Variants in ZNF841 observed in about 807,000 individuals in gnomAD.
ZNF841 encodes the protein TCONS_00006091.
A neutral mutation model predicts 13.0 loss-of-function variants in ZNF841; 11 were observed. The observed-to-expected ratio is 0.85, with a 90% CI of 0.53 to 1.40. ZNF841 has a LOEUF of 1.40. ZNF841 is among the 40% of genes most tolerant of loss of function. ZNF841 has a pLI of 0.00. For missense variants in ZNF841, 1,068 were observed against 1,139.5 expected, an observed-to-expected ratio of 0.94 and a Z score of 0.90; for synonymous variants, 369 against 381.6, an observed-to-expected ratio of 0.97 and a Z score of 0.38.
At chr19:52,084,679 C>G in intron 4 of ZNF841, 108 bp downstream of exon 4, 1 of 1,270,082 alleles carries the variant, frequency 7.9e-7, no homozygotes, top group Middle Eastern at 1.9e-4. Flanking sequence ...TGAGTGCGAG[C>G]AAATGTGTCA....
At chr19:52,072,544 G>A (rs891882394) in intron 6 of ZNF841, among the ~76,000 whole-genome samples, 4 of 152,120 alleles carry the variant, frequency 2.6e-5, no homozygotes, top group Admixed American at 2.6e-4. Context: ...CAAATATGTG[G>A]AAACAACATA....
Position 52,066,050 on chromosome 19 carries a change from T to C in ZNF841, c.1832A>G (p.Asn611Ser). Residue 611 changes from asparagine to serine, a missense_variant, in exon 7 of 7, where the codon AAC becomes AGC. Asn to Ser is a conservative substitution (Grantham distance 46, BLOSUM62 1). Coordinates refer to ENST00000594440, the MANE Select transcript of ZNF841 (RefSeq NM_001136499.2). ...ATGACTTCGCCTATGAATTGAAAGG[T>C]TTCCACTGTCAATGAAGACCTTGCC... is the stretch of plus-strand genomic sequence containing the variant. Reference protein sequence around the residue: ...VCGKVFIDSGNLSIHRRSHTG... With the variant: ...VCGKVFIDSGSLSIHRRSHTG... 1 of 1,613,584 alleles carries C rather than the reference T, an allele frequency of 6.2e-7. No homozygotes were observed. The highest frequency in any genetic ancestry group is 1.1e-5 in the South Asian group (1 of 91,064).
intron 3 of ZNF841, 53 bp from the exon 4 acceptor site, chr19:52,084,931 G>A (rs185347275): frequency 9.8e-7 from 1 of 1,023,964 alleles, no homozygotes; most frequent in Non-Finnish European, 1.4e-6. Flanking sequence ...ATTCCTTTCT[G>A]TGCCACAACC....
At chr19:52,089,056 G>A (rs1057261373) in intron 2 of ZNF841, 54 bp from the exon 3 acceptor site, 13 of 152,130 alleles carry the variant, frequency 8.5e-5, no homozygotes, top group African/African-American at 2.9e-4. Context: ...CAGTAGGCAC[G>A]AAAACAATGT....
intron 1 of ZNF841, among the ~76,000 whole-genome samples, chr19:52,094,449 CT>C (rs937780826): frequency 2.2e-4 from 34 of 152,154 alleles, no homozygotes; most frequent in Admixed American, 2.2e-3. Context: ...TTTATTCCCT[CT>C]TTTATGTCTG....
downstream of ZNF841, among the ~76,000 whole-genome samples, chr19:52,060,594 C>T (rs1431706807): frequency 6.6e-6 from 1 of 151,330 alleles, no homozygotes; most frequent in Non-Finnish European, 1.5e-5. Flanking sequence ...CCTAGTAGCT[C>T]GTTGGTAATT....
chr19:52,078,148 G>T (rs1480829579), intron 4 of ZNF841, among the ~76,000 whole-genome samples: 3 of 151,962 alleles, frequency 2.0e-5, no homozygotes, highest in African/African-American at 7.3e-5. Context: ...AAATTAGCTG[G>T]GCGTGGTGGT....
Position 52,065,766 on chromosome 19 carries a change from C to T in ZNF841, c.2116G>A (p.Glu706Lys). ...LARYHRNPTG[E>K]KPHKCSECGR... The stretch of plus-strand genomic sequence containing the variant: ...CATTCACTACATTTGTGTGGTTTCT[C>T]CCCAGTAGGATTTCTGTGATATCTT... Residue 706 changes from glutamate (E) to lysine (K), a missense_variant, in exon 7 of 7, where the codon GAG (glutamate) becomes AAG (lysine). Physicochemically the swap from Glu to Lys is moderately conservative, Grantham distance 56 (BLOSUM62 1). Transcript: ENST00000594440. The T allele has an allele frequency of 6.2e-7, 1 of 1,609,170 alleles. No homozygotes were observed. Among genetic ancestry groups the T allele is most frequent in the Non-Finnish European group, 8.5e-7 (1 of 1,177,288 alleles).
intron 6 of ZNF841, among the ~76,000 whole-genome samples, chr19:52,070,429 G>C (rs72483951): frequency 0.15 from 22,394 of 152,218 alleles, 2,174 homozygotes; most frequent in East Asian, 0.38. Flanking sequence ...AAGAGAGATA[G>C]TGAGAAGGAT....
At position 52,067,470 on chromosome 19, in the gene ZNF841, G is replaced by C. The variant is rs1402385703; in HGVS notation, c.412C>G (p.Leu138Val). ...TTCCATTGAAAGTCAACTTCCTGTAGATTTTTCCGGATTTCCCTGAAGTAA... is the reference window on the plus strand; with the variant it reads ...TTCCATTGAAAGTCAACTTCCTGTACATTTTTCCGGATTTCCCTGAAGTAA... ...NFYFREIRKN[L>V]QEVDFQWKDG... Residue 138 changes from leucine to valine, a missense_variant, in exon 7 of 7, where the codon CTA becomes GTA. By Grantham distance (32) the Leu-to-Val change is conservative. Coordinates refer to ENST00000594440, the MANE Select transcript of ZNF841 (RefSeq NM_001136499.2). 1.9e-6 allele frequency: 3 copies of C among 1,557,684 alleles called. No individual in the cohort carries two copies. The highest frequency in any genetic ancestry group is 2.6e-6 in the Non-Finnish European group (3 of 1,149,728).
In ZNF841 at chr19:52,066,829, G is replaced by T. The variant is rs1380511912; in HGVS notation, c.1053C>A (p.Gly351=). The change falls in exon 7 of 7, where the codon GGC becomes GGA. Residue 351 remains glycine, a synonymous_variant. Transcript: ENST00000594440. ...GGTGGGAACTTTTACTAAAGGACTT[G>T]CCACATTCATTACATATGTAGGGTT... The part of the protein sequence containing the change: ...GDKPYICNEC[G]KSFSKSSHLA... 6.2e-7 allele frequency: 1 copy of T among 1,614,122 alleles called. No homozygotes were observed.
Position 52,065,397 on chromosome 19 carries a change from CT to C in ZNF841, c.2484del (p.Ala829LeufsTer69). ...ACCAAGTTTGACCTTTCGATAAAAG[CT>C]TTACCACATTCATTACATTTATAAG... ...EKPYKCNECGKAFIERSNLVY... is the reference protein window; with the variant it reads ...EKPYKCNECGXAFIERSNLVY... On this transcript the variant is annotated frameshift_variant, in exon 7 of 7. Coordinates refer to ENST00000594440, the MANE Select transcript of ZNF841 (RefSeq NM_001136499.2). LOFTEE classifies it low-confidence loss of function (END_TRUNC). 2 of 1,610,664 alleles carry C rather than the reference CT, an allele frequency of 1.2e-6. No individual in the cohort carries two copies. The highest frequency in any genetic ancestry group is 2.2e-5 in the South Asian group (2 of 90,828).
downstream of ZNF841, among the ~76,000 whole-genome samples, chr19:52,059,914 G>A (rs528372027): frequency 6.6e-5 from 10 of 152,246 alleles, no homozygotes; most frequent in East Asian, 7.7e-4. Flanking sequence ...AGATATTTGC[G>A]TAGGAGTGTG....
intron 2 of ZNF841, among the ~76,000 whole-genome samples, chr19:52,092,978 TG>T (rs2088554337): frequency 6.6e-6 from 1 of 152,072 alleles, no homozygotes; most frequent in South Asian, 2.1e-4. Context: ...AAGCTGGGCG[TG>T]GTGGCGGGTG....
At chr19:52,073,452 C>A (rs2087800983) in intron 6 of ZNF841, among the ~76,000 whole-genome samples, 1 of 152,068 alleles carries the variant, frequency 6.6e-6, no homozygotes, top group African/African-American at 2.4e-5. Flanking sequence ...GCATGTGCCA[C>A]CACACCCGGC....
At chr19:52,088,830 A>ATTT (rs1169198289) in intron 3 of ZNF841, 107 bp downstream of exon 3, 2 of 152,220 alleles carry the variant, frequency 1.3e-5, no homozygotes, top group Non-Finnish European at 2.9e-5. Flanking sequence ...ACTCTGAATA[A>ATTT]CAACACAGGA....
chr19:52,075,160 C>T (rs949992343), intron 6 of ZNF841, among the ~76,000 whole-genome samples: 8 of 152,044 alleles, frequency 5.3e-5, no homozygotes, highest in Admixed American at 6.5e-5. Context: ...ATAAAATGTC[C>T]GACCCTAGAA....
intron 6 of ZNF841, among the ~76,000 whole-genome samples, chr19:52,073,409 T>C (rs1403337702): frequency 6.6e-6 from 1 of 152,036 alleles, no homozygotes; most frequent in Non-Finnish European, 1.5e-5. Flanking sequence ...AGCAATTCTC[T>C]TGTCTCAGCC....
chr19:52,094,044 T>C (rs189545908), intron 1 of ZNF841, 73 bp from the exon 2 acceptor site: 1 of 151,886 alleles, frequency 6.6e-6, no homozygotes, highest in African/African-American at 2.4e-5. Flanking sequence ...ACCAAAGACA[T>C]ATCTTGTAGT....
Sources: allele counts gnomAD v4.1 joint callset (sites outside exome capture counted in the v4.1 genomes callset), GRCh38; gene constraint gnomAD v4.1.1; transcripts MANE v1.5; gene names NCBI Gene and HGNC (gene_info 2026-07-23, HGNC 2026-07-21).